Variants in ANAPC7 observed in about 807,000 individuals in gnomAD.
ANAPC7 encodes the protein anaphase promoting complex subunit 7, also known as anaphase-promoting complex subunit 7.
In ANAPC7, 25 loss-of-function variants were observed where a neutral mutation model predicts 63.3. The observed-to-expected ratio is 0.39, with a 90% CI of 0.29 to 0.55. The LOEUF is 0.55. Among genes scored for constraint, ANAPC7 ranks in the 20% least tolerant of loss-of-function variants. The pLI, the probability that ANAPC7 is intolerant of heterozygous loss-of-function variation, is 0.57. For synonymous variants in ANAPC7, 241 were observed against 251.7 expected, an observed-to-expected ratio of 0.96 and a Z score of 0.40; for missense variants, 516 against 691.7, an observed-to-expected ratio of 0.75 and a Z score of 2.85.
chr12:110,375,438 G>A (rs542266370), intron 10 of ANAPC7: 11 of 985,234 alleles, frequency 1.1e-5, no homozygotes, highest in Non-Finnish European at 1.2e-5. Flanking sequence ...TAACCTTACA[G>A]ACACACAGAC....
chr12:110,388,719 A>C, intron 3 of ANAPC7, 96 bp from the exon 4 acceptor site: 1 of 878,656 alleles, frequency 1.1e-6, no homozygotes, highest in South Asian at 1.5e-5. Context: ...CCAGTTATTT[A>C]CTTTTTACTG....
intron 1 of ANAPC7, among the ~76,000 whole-genome samples, chr12:110,397,144 A>G (rs907043684): frequency 2.7e-5 from 4 of 150,920 alleles, no homozygotes; most frequent in African/African-American, 9.8e-5. Context: ...GCCTGTAGTG[A>G]GCCGAGATCA....
intron 3 of ANAPC7, 74 bp downstream of exon 3, chr12:110,395,027 T>G (rs1883448948): frequency 6.5e-7 from 1 of 1,531,470 alleles, no homozygotes; most frequent in East Asian, 2.3e-5. Context: ...GACTCCTTAA[T>G]GCATGAGAAA....
intron 7 of ANAPC7, 115 bp from the exon 8 acceptor site, chr12:110,382,063 C>A: frequency 2.0e-6 from 2 of 1,014,068 alleles, no homozygotes; most frequent in African/African-American, 1.6e-5. Context: ...ATCCTTATTC[C>A]AAACCACACT....
At chr12:110,376,350 C>G (rs1467591194) in intron 9 of ANAPC7, 134 bp from the exon 10 acceptor site, 1 of 947,204 alleles carries the variant, frequency 1.1e-6, no homozygotes, top group Non-Finnish European at 1.5e-6. Flanking sequence ...ACCTGAAGCC[C>G]TATTCAGTTA....
At chr12:110,374,407 G>A (rs1374998259) in intron 10 of ANAPC7, 74 bp from the exon 11 acceptor site, 3 of 1,461,084 alleles carry the variant, frequency 2.1e-6, no homozygotes, top group Non-Finnish European at 2.8e-6. Flanking sequence ...CATCTCCCTG[G>A]CCCGGCAGTG....
At chr12:110,401,300 T>C (rs780227737) in intron 1 of ANAPC7, among the ~76,000 whole-genome samples, 4 of 152,220 alleles carry the variant, frequency 2.6e-5, no homozygotes, top group Admixed American at 1.3e-4. Context: ...CCTCCATTTA[T>C]TGGATGTGTG....
At chr12:110,401,508 A>G (rs1465873114) in intron 1 of ANAPC7, among the ~76,000 whole-genome samples, 1 of 152,156 alleles carries the variant, frequency 6.6e-6, no homozygotes, top group African/African-American at 2.4e-5. Context: ...CTAAAACCTG[A>G]AGGAGGAGGC....
chr12:110,395,211 A>G lies in ANAPC7; in HGVS notation c.298T>C (p.Ser100Pro). The G allele has an allele frequency of 1.2e-6, 2 of 1,611,264 alleles. No homozygotes were observed. The highest frequency in any genetic ancestry group is 1.7e-6 in the Non-Finnish European group (2 of 1,179,062). ...ATTTTGTATTTCACTTCAATTTCAGATGGAAGACACTAAAAGACAATGGAA... is the reference window on the plus strand; with the variant it reads ...ATTTTGTATTTCACTTCAATTTCAGGTGGAAGACACTAAAAGACAATGGAA... Reference protein sequence around the residue: ...ASTPQSQCLPSEIEVKYKMAE... With the variant: ...ASTPQSQCLPPEIEVKYKMAE... The change falls in exon 3 of 11, where the codon TCT becomes CCT. Residue 100 changes from serine to proline, a missense_variant. Ser to Pro is a moderately conservative substitution (Grantham distance 74). This residue lies in a region of ANAPC7 where 185 missense variants were observed against 200.3 expected (regional missense o/e 0.92). Transcript: ENST00000455511.
intron 3 of ANAPC7, among the ~76,000 whole-genome samples, chr12:110,391,056 G>A (rs975062214): frequency 3.9e-5 from 6 of 152,018 alleles, no homozygotes; most frequent in South Asian, 2.1e-4. Context: ...CAGGTGCAGC[G>A]GTACGCGCCT....
At chr12:110,375,247 T>C (rs1020204010) in intron 10 of ANAPC7, among the ~76,000 whole-genome samples, 2 of 152,138 alleles carry the variant, frequency 1.3e-5, no homozygotes, top group Non-Finnish European at 2.9e-5. Flanking sequence ...CCACCTTCCC[T>C]TCTACAGACT....
chr12:110,377,636 G>C lies in ANAPC7; in HGVS notation c.1133-19C>G. Reference sequence around the variant, plus strand: ...ATAAGACCTGAAAAAAGTAAAACACGTGAAGACATTCAATGCCATTACCAT... The same window carrying C: ...ATAAGACCTGAAAAAAGTAAAACACCTGAAGACATTCAATGCCATTACCAT... On this transcript the variant is annotated intron_variant, in intron 8 of 10. Coordinates refer to ENST00000455511, the MANE Select transcript of ANAPC7 (RefSeq NM_016238.3). The C allele has an allele frequency of 1.2e-6, 2 of 1,614,018 alleles. No individual in the cohort carries two copies. The highest frequency in any genetic ancestry group is 1.7e-5 in the Admixed American group (1 of 60,016).
chr12:110,396,229 A>G, intron 2 of ANAPC7, 37 bp downstream of exon 2: 1 of 1,540,242 alleles, frequency 6.5e-7, no homozygotes, highest in Non-Finnish European at 8.8e-7. Flanking sequence ...CTTTCTCAAA[A>G]AAAAAAAAAA....
At chr12:110,382,462 ATATATATATATAT>A (rs1882008552) in intron 7 of ANAPC7, among the ~76,000 whole-genome samples, 1 of 53,444 alleles carries the variant, frequency 1.9e-5, no homozygotes, top group Non-Finnish European at 3.9e-5. Context: ...AAAAAAAAAA[ATATATATATATAT>A]ATATATATAT....
intron 3 of ANAPC7, among the ~76,000 whole-genome samples, chr12:110,390,765 A>T (rs2137965975): frequency 6.6e-6 from 1 of 152,312 alleles, no homozygotes; most frequent in African/African-American, 2.4e-5. Context: ...TAAATTTAAG[A>T]TCCTTTCTTG....
chr12:110,394,458 C>A (rs1883384468), intron 3 of ANAPC7, among the ~76,000 whole-genome samples: 1 of 151,718 alleles, frequency 6.6e-6, no homozygotes, highest in African/African-American at 2.4e-5. Context: ...AAAACCCCAT[C>A]TCTACTAAAA....
chr12:110,402,710 G>A (rs73206882), intron 1 of ANAPC7, among the ~76,000 whole-genome samples: 20,782 of 151,916 alleles, frequency 0.14, 2,073 homozygotes, highest in African/African-American at 0.28. Flanking sequence ...AACATGAAAG[G>A]CGCCACGCCC....
Position 110,377,625 on chromosome 12 carries a change from A to C in ANAPC7, c.1133-8T>G. On this transcript the variant is annotated splice_region_variant and splice_polypyrimidine_tract_variant and intron_variant, in intron 8 of 10. Coordinates refer to ENST00000455511, the MANE Select transcript of ANAPC7 (RefSeq NM_016238.3). ...AGTAACATTCGATAAGACCTGAAAA[A>C]AGTAAAACACGTGAAGACATTCAAT... 1.9e-6 allele frequency: 3 copies of C among 1,614,180 alleles called. No individual in the cohort carries two copies. Among genetic ancestry groups the C allele is most frequent in the South Asian group, 2.2e-5 (2 of 91,080 alleles).
chr12:110,382,461 A>AAT (rs66967302), intron 7 of ANAPC7, among the ~76,000 whole-genome samples: 395 of 30,846 alleles, frequency 0.013, 9 homozygotes, highest in Non-Finnish European at 0.017. Flanking sequence ...AAAAAAAAAA[A>AAT]ATATATATAT....
Sources: gnomAD v4.1 joint callset for allele counts (sites outside exome capture counted in the v4.1 genomes callset) on GRCh38, gnomAD v4.1.1 for gene constraint, gnomAD v4.1.1 regional missense constraint, MANE v1.5 for transcripts, NCBI Gene and HGNC (gene_info 2026-07-23, HGNC 2026-07-21) for gene names.